Variants in COL19A1 observed in about 807,000 individuals in gnomAD.
COL19A1 encodes the protein collagen alpha-1(XIX) chain.
A neutral mutation model predicts 190.2 loss-of-function variants in COL19A1; 159 were observed. The observed-to-expected ratio is 0.84, with a 90% CI of 0.73 to 0.95. The LOEUF (loss-of-function observed/expected upper bound fraction) is 0.95, where lower values mean the gene tolerates loss of function less well. COL19A1 is among the 40% of genes least tolerant of loss of function. The pLI is 0.00. For synonymous variants in COL19A1, 509 were observed against 458.9 expected (o/e 1.11, Z -1.39); for missense variants, 1,418 against 1,431.9 (o/e 0.99, Z 0.16).
chr6:70,074,521 AG>A (rs1189109038), intron 15 of COL19A1, among the ~76,000 whole-genome samples: 2 of 149,874 alleles, frequency 1.3e-5, no homozygotes, highest in Admixed American at 1.3e-4. Context: ...AAAAAAAGAG[AG>A]AGAAAGAGTA....
intron 4 of COL19A1, among the ~76,000 whole-genome samples, chr6:69,923,127 CAAAA>C (rs573141926): frequency 6.6e-6 from 1 of 152,026 alleles, no homozygotes; most frequent in Non-Finnish European, 1.5e-5. Context: ...ACCTACTCCT[CAAAA>C]AAAGCAATAA....
At chr6:69,960,755 G>A (rs1188201995) in intron 10 of COL19A1, among the ~76,000 whole-genome samples, 2 of 151,574 alleles carry the variant, frequency 1.3e-5, no homozygotes, top group Non-Finnish European at 2.9e-5. Context: ...GCCTCCCGAG[G>A]AGCTGGGACT....
chr6:70,151,367 A>C, intron 30 of COL19A1, 30 bp from the exon 31 acceptor site: 1 of 1,607,814 alleles, frequency 6.2e-7, no homozygotes, highest in Non-Finnish European at 8.5e-7. Context: ...ATATAAATGC[A>C]TGTATTTGGT....
intron 15 of COL19A1, among the ~76,000 whole-genome samples, chr6:70,079,113 G>A (rs950650561): frequency 6.6e-6 from 1 of 152,100 alleles, no homozygotes; most frequent in Non-Finnish European, 1.5e-5. Flanking sequence ...GTAATAAAGG[G>A]CATGATTATA....
chr6:70,170,023 A>T (rs1234839762), intron 40 of COL19A1, among the ~76,000 whole-genome samples: 2 of 152,196 alleles, frequency 1.3e-5, no homozygotes. Context: ...GTAGAATTTG[A>T]AGAGATTAGT....
At chr6:70,069,035 T>C (rs1055271273) in intron 15 of COL19A1, among the ~76,000 whole-genome samples, 3 of 152,140 alleles carry the variant, frequency 2.0e-5, no homozygotes, top group Non-Finnish European at 4.4e-5. Context: ...TTATGACAAC[T>C]GGTCAGCTTC....
rs1180921861 is a variant in COL19A1, at chr6:70,098,630, A to G, written c.1225-3539A>G. The G allele has an allele frequency of 8.0e-6, 3 of 375,434 alleles. No individual in the cohort carries two copies. In the East Asian group the frequency reaches 2.0e-4, roughly 25 times the overall value. The allele number at this position is 375,434 out of a possible 1,614,324, so 23.3% of individuals were successfully genotyped here. ...GGCCTTAGAGCCACAGTGGTGGCAC[A>G]ATGTGTGCGTCTTACTGCAACACTT... On this transcript the variant is annotated intron_variant, in intron 15 of 50. Transcript: ENST00000620364.
intron 11 of COL19A1, among the ~76,000 whole-genome samples, chr6:70,018,644 G>T (rs373759317): frequency 5.9e-5 from 9 of 152,222 alleles, no homozygotes; most frequent in African/African-American, 2.2e-4. Flanking sequence ...TCAGGTAGTT[G>T]ATTTGAGAGG....
At chr6:70,126,309 C>G (rs1414258023) in intron 17 of COL19A1, among the ~76,000 whole-genome samples, 1 of 152,182 alleles carries the variant, frequency 6.6e-6, no homozygotes, top group East Asian at 1.9e-4. Flanking sequence ...TTAAACCCAA[C>G]GATGGCATAT....
intron 47 of COL19A1, among the ~76,000 whole-genome samples, chr6:70,189,533 A>T (rs1031575459): frequency 6.6e-6 from 1 of 152,218 alleles, no homozygotes; most frequent in African/African-American, 2.4e-5. Flanking sequence ...ATCACCAACT[A>T]TAAAGAGTAG....
Position 69,938,216 on chromosome 6 carries a change from A to G in COL19A1, c.936+116A>G, listed in dbSNP as rs1773234497. 9.6e-6 allele frequency: 9 copies of G among 933,066 alleles called. No individual in the cohort carries two copies. The South Asian group carries it at 1.5e-4, about 16-fold the overall frequency. The allele number at this position is 933,066 out of a possible 1,614,324, so 57.8% of individuals were successfully genotyped here. ...CAAATATATGTTTCTATAAAAGGCT[A>G]TCAAAGACTATATTAAAATGCTGAT... On this transcript the variant is annotated intron_variant, in intron 9 of 50. Coordinates refer to ENST00000620364, the MANE Select transcript of COL19A1 (RefSeq NM_001858.6).
chr6:70,202,190 C>T (rs1182596342), intron 49 of COL19A1, among the ~76,000 whole-genome samples: 1 of 152,174 alleles, frequency 6.6e-6, no homozygotes, highest in Admixed American at 6.6e-5. Context: ...ACAGTGTGTT[C>T]TGCCACTCAT....
At chr6:69,977,781 C>G (rs186837223) in intron 11 of COL19A1, among the ~76,000 whole-genome samples, 41 of 152,106 alleles carry the variant, frequency 2.7e-4, no homozygotes, top group Non-Finnish European at 5.3e-4. Flanking sequence ...CCTGAAGCAA[C>G]TTAATCCAAA....
chr6:70,078,956 A>G (rs1180605087), intron 15 of COL19A1, among the ~76,000 whole-genome samples: 1 of 152,144 alleles, frequency 6.6e-6, no homozygotes, highest in Non-Finnish European at 1.5e-5. Context: ...AATCTCAGCT[A>G]TGTGGGAGGC....
At chr6:69,936,536 T>C (rs1249199359) in intron 7 of COL19A1, among the ~76,000 whole-genome samples, 1 of 152,172 alleles carries the variant, frequency 6.6e-6, no homozygotes, top group Non-Finnish European at 1.5e-5. Flanking sequence ...AATGTAACTT[T>C]GTAATTCCTT....
Position 69,952,356 on chromosome 6 carries a change from G to A in COL19A1, c.937-7640G>A, listed in dbSNP as rs1162187945. On this transcript the variant is annotated intron_variant, in intron 9 of 50. Coordinates refer to ENST00000620364, the MANE Select transcript of COL19A1 (RefSeq NM_001858.6). ...CCACGTCCAGGCAGCTCAATCATGG[G>A]CACTCTCCAGATTAACCTTAATGCA... is the stretch of plus-strand genomic sequence containing the variant. Among the ~76,000 whole-genome samples the A allele has an allele frequency of 2.0e-5, 3 of 151,608 alleles. No homozygotes were observed. The Admixed American group carries it at 2.0e-4, about 10-fold the overall frequency.
rs149153246 is a variant in COL19A1, at chr6:70,185,652, A to G, written c.2856+737A>G. On this transcript the variant is annotated intron_variant, in intron 46 of 50. Coordinates refer to ENST00000620364, the MANE Select transcript of COL19A1 (RefSeq NM_001858.6). ...TTCTAGTAGAATTGATTTCTACTAGAATTAACTTCTACTAGAATTAATTTC... is the reference window on the plus strand; with the variant it reads ...TTCTAGTAGAATTGATTTCTACTAGGATTAACTTCTACTAGAATTAATTTC... Among the ~76,000 whole-genome samples the G allele has an allele frequency of 2.0e-3, 310 of 152,308 alleles. 3 individuals are homozygous for G. Among genetic ancestry groups the G allele is most frequent in the African/African-American group, 5.7e-3 (236 of 41,558 alleles).
chr6:69,934,828 T>C (rs557740005), intron 7 of COL19A1, among the ~76,000 whole-genome samples: 102 of 152,086 alleles, frequency 6.7e-4, no homozygotes, highest in African/African-American at 2.4e-3. Flanking sequence ...GAATGTACAG[T>C]TGGAAGGATA....
chr6:70,165,789 G>T (rs924263375), intron 36 of COL19A1, 152 bp from the exon 37 acceptor site: 2 of 727,174 alleles, frequency 2.8e-6, no homozygotes, highest in African/African-American at 3.5e-5. Context: ...CCTGGGTAAA[G>T]GAGAGCCCAG....
Sources: allele counts gnomAD v4.1 joint callset (sites outside exome capture counted in the v4.1 genomes callset), GRCh38; gene constraint gnomAD v4.1.1; transcripts MANE v1.5; gene names NCBI Gene and HGNC (gene_info 2026-07-23, HGNC 2026-07-21).